CCNJL: variants seen among roughly 807,000 people sequenced by gnomAD.
CCNJL encodes cyclin-J-like protein.
In CCNJL, 33 loss-of-function variants were observed where a neutral mutation model predicts 33.4. The observed-to-expected ratio is 0.99, with a 90% CI of 0.75 to 1.32. The LOEUF (loss-of-function observed/expected upper bound fraction) is 1.32, where lower values mean the gene tolerates loss of function less well. CCNJL is among the 40% of genes most tolerant of loss of function. The pLI, the probability that CCNJL is intolerant of heterozygous loss-of-function variation, is 0.00. For missense variants in CCNJL, 512 were observed against 499.7 expected (o/e 1.02, Z -0.23); for synonymous variants, 227 against 220.9 (o/e 1.03, Z -0.24).
At chr5:160,284,706 C>T (rs570323634) in intron 2 of CCNJL, among the ~76,000 whole-genome samples, 2 of 152,216 alleles carry the variant, frequency 1.3e-5, no homozygotes, top group Admixed American at 6.5e-5. Context: ...TTTTCGCAGT[C>T]CTAGAGCTTT....
chr5:160,289,932 G>A (rs994128462), intron 2 of CCNJL, among the ~76,000 whole-genome samples: 3 of 152,232 alleles, frequency 2.0e-5, no homozygotes, highest in Non-Finnish European at 4.4e-5. Flanking sequence ...CCCACGGCCA[G>A]ATGTGCAGGG....
In CCNJL at chr5:160,300,331, T is replaced by C. The variant is rs571875314; in HGVS notation, c.66+11527A>G. ...CACCTTAACAGCCCTCATCCAGCCC[T>C]TGATGCAGGTCTCAGCCCAGTTCCG... On this transcript the variant is annotated intron_variant, in intron 2 of 5. Coordinates refer to ENST00000257536, the MANE Select transcript of CCNJL (RefSeq NM_001308173.3). Among the ~76,000 whole-genome samples the C allele has an allele frequency of 5.9e-5, 9 of 152,274 alleles. No individual in the cohort carries two copies. In the East Asian group the frequency reaches 7.7e-4, roughly 13 times the overall value.
At chr5:160,321,384 A>G (rs1274816997) in intron 1 of CCNJL, among the ~76,000 whole-genome samples, 1 of 152,186 alleles carries the variant, frequency 6.6e-6, no homozygotes, top group Non-Finnish European at 1.5e-5. Context: ...GGGGACCCTC[A>G]TGCCTAGAAG....
rs576040233 is a variant in CCNJL, at chr5:160,331,347, C to T, written n.206+8098G>A. ...CACACCATTCTCCTGCCTCAGCCTC[C>T]CAAGTAGCTGGGACTACAGGTGCCC... On this transcript the variant is annotated intron_variant and non_coding_transcript_variant, in intron 1 of 7. Coordinates refer to the CCNJL transcript ENST00000377503. Among the ~76,000 whole-genome samples the T allele has an allele frequency of 2.0e-5, 3 of 152,034 alleles. No homozygotes were observed. The East Asian group carries it at 5.8e-4, about 29-fold the overall frequency.
At chr5:160,307,704 T>A (rs1181902904) in intron 2 of CCNJL, among the ~76,000 whole-genome samples, 1 of 151,824 alleles carries the variant, frequency 6.6e-6, no homozygotes, top group East Asian at 1.9e-4. Context: ...AAACCCCACA[T>A]CCCTGTACTG....
upstream of CCNJL, chr5:160,315,359 T>A (rs990649822): frequency 2.7e-5 from 8 of 301,474 alleles, no homozygotes; most frequent in African/African-American, 9.7e-5. Flanking sequence ...ACACACACAC[T>A]AGCCAGGTGT....
At chr5:160,307,904 G>A (rs967085328) in intron 2 of CCNJL, among the ~76,000 whole-genome samples, 1 of 152,148 alleles carries the variant, frequency 6.6e-6, no homozygotes, top group African/African-American at 2.4e-5. Flanking sequence ...GCTGGAGGAG[G>A]GTTCAACTCC....
intron 2 of CCNJL, among the ~76,000 whole-genome samples, chr5:160,284,556 C>T (rs1446920009): frequency 6.6e-6 from 1 of 152,210 alleles, no homozygotes; most frequent in Non-Finnish European, 1.5e-5. Flanking sequence ...AAGAAAGCCA[C>T]AGATGCTCTG....
intron 2 of CCNJL, among the ~76,000 whole-genome samples, chr5:160,285,484 G>T (rs566241562): frequency 3.5e-4 from 53 of 152,322 alleles, no homozygotes; most frequent in African/African-American, 1.3e-3. Flanking sequence ...AATTGCAGTG[G>T]TGGATACAGA....
chr5:160,317,636 TGGG>T (rs1763394252), upstream of CCNJL, among the ~76,000 whole-genome samples: 1 of 152,138 alleles, frequency 6.6e-6, no homozygotes, highest in Non-Finnish European at 1.5e-5. Context: ...CAAGTGGGCA[TGGG>T]GTGGGGGGAG....
intron 2 of CCNJL, among the ~76,000 whole-genome samples, chr5:160,309,452 C>G (rs1009572408): frequency 6.6e-6 from 1 of 152,184 alleles, no homozygotes; most frequent in African/African-American, 2.4e-5. Flanking sequence ...TGTAAACATG[C>G]TTTGTATTCA....
chr5:160,310,051 T>A (rs1334696495), intron 2 of CCNJL, among the ~76,000 whole-genome samples: 2 of 152,188 alleles, frequency 1.3e-5, no homozygotes, highest in Admixed American at 6.5e-5. Flanking sequence ...ACTAAACAAA[T>A]GGCATTTATT....
At chr5:160,290,204 T>G (rs1375269421) in intron 2 of CCNJL, among the ~76,000 whole-genome samples, 1 of 152,206 alleles carries the variant, frequency 6.6e-6, no homozygotes, top group Non-Finnish European at 1.5e-5. Context: ...GAGGTTTTAC[T>G]TCTCATTATT....
rs35956418 is a variant in CCNJL at position 160,306,270 on chromosome 5, C to CAAAA, written c.66+5584_66+5587dup. ...TGGGTGACAGAGCAAGACTCCGTCT[C>CAAAA]AAAAAAAAAAAAAAAAAAAAAAGCG... On this transcript the variant is annotated intron_variant, in intron 2 of 5. Coordinates refer to ENST00000257536, the MANE Select transcript of CCNJL (RefSeq NM_001308173.3). 1.7e-4 allele frequency among the ~76,000 whole-genome samples: 12 copies of CAAAA among 68,882 alleles called. 1 individual carries two copies. The highest frequency in any genetic ancestry group is 2.0e-4 in the African/African-American group (4 of 20,316). 45.2% of individuals were successfully genotyped at this position (68,882 alleles called of 152,430 possible).
At chr5:160,317,479 A>G (rs1193594799), upstream of CCNJL, among the ~76,000 whole-genome samples, 2 of 152,218 alleles carry the variant, frequency 1.3e-5, no homozygotes, top group East Asian at 3.8e-4. Flanking sequence ...CAGGGAGCAG[A>G]GGAGACACAT....
In CCNJL at chr5:160,259,126, T is replaced by C. The variant is rs533025223; in HGVS notation, c.583+343A>G. 2.0e-5 allele frequency among the ~76,000 whole-genome samples: 3 copies of C among 152,356 alleles called. No individual in the cohort carries two copies. The South Asian group carries it at 6.2e-4, about 32-fold the overall frequency. On this transcript the variant is annotated intron_variant, in intron 4 of 5. Transcript: ENST00000257536. ...TAAACATAATTCCCTCTCCCCATAC[T>C]ATCTGTATGATGGCCGCTATTTGAG...
chr5:160,301,213 A>G (rs1254954142), intron 2 of CCNJL, among the ~76,000 whole-genome samples: 2 of 152,232 alleles, frequency 1.3e-5, no homozygotes, highest in South Asian at 2.1e-4. Context: ...ATAAAAAGAA[A>G]TAAACTCCTG....
At chr5:160,255,281 C>A (rs1166776473) in intron 5 of CCNJL, 2 of 224,774 alleles carry the variant, frequency 8.9e-6, no homozygotes, top group Non-Finnish European at 1.7e-5. Flanking sequence ...CCATTGCACT[C>A]CAGCCTGGGT....
At chr5:160,292,622 C>T (rs1306662837) in intron 2 of CCNJL, among the ~76,000 whole-genome samples, 4 of 151,352 alleles carry the variant, frequency 2.6e-5, no homozygotes, top group Middle Eastern at 3.4e-3. Context: ...CTGTCTCTAA[C>T]GTGTATGTAT....
Sources: gnomAD v4.1 joint callset for allele counts (sites outside exome capture counted in the v4.1 genomes callset) on GRCh38, gnomAD v4.1.1 for gene constraint, MANE v1.5 for transcripts, NCBI Gene and HGNC (gene_info 2026-07-23, HGNC 2026-07-21) for gene names.